The following NOP9 variants were observed in gnomAD, a reference collection of about 807,000 sequenced individuals.
NOP9 encodes NOP9 nucleolar protein.
Under a neutral mutation model 63.0 loss-of-function variants are expected in NOP9, and 50 were observed. That is an observed-to-expected ratio of 0.79 (90% CI 0.63 to 1.00). The LOEUF is 1.00. NOP9 is among the 50% of genes least tolerant of loss of function. NOP9 has a pLI of 0.00. For synonymous variants in NOP9, 343 were observed against 332.8 expected (o/e 1.03, Z -0.33); for missense variants, 758 against 803.0 (o/e 0.94, Z 0.68).
upstream of NOP9, among the ~76,000 whole-genome samples, chr14:24,298,450 A>T (rs2041300120): frequency 6.6e-6 from 1 of 152,236 alleles, no homozygotes; most frequent in Non-Finnish European, 1.5e-5. Context: ...TCAAATATTT[A>T]TTTAACTGAA....
chr14:24,272,946 A>T, the NOP9 span, among the ~76,000 whole-genome samples: 1 of 152,204 alleles, frequency 6.6e-6, no homozygotes, highest in African/African-American at 2.4e-5. Flanking sequence ...AGTTCTCTAA[A>T]ATGCCCCAGT....
chr14:24,285,150 G>A, the NOP9 span, among the ~76,000 whole-genome samples: 2 of 152,144 alleles, frequency 1.3e-5, no homozygotes, highest in African/African-American at 4.8e-5. Flanking sequence ...ACAACCCTTG[G>A]GCAGTTGTTC....
intron 5 of NOP9, among the ~76,000 whole-genome samples, 156 bp from the exon 6 acceptor site, chr14:24,302,918 T>C (rs188737767): frequency 3.2e-4 from 49 of 152,350 alleles, no homozygotes; most frequent in African/African-American, 1.1e-3. Flanking sequence ...TGCCCCCTTA[T>C]CCTGGGCCTT....
At chr14:24,295,695 C>G (rs1251703894), upstream of NOP9, among the ~76,000 whole-genome samples, 1 of 152,226 alleles carries the variant, frequency 6.6e-6, no homozygotes, top group Non-Finnish European at 1.5e-5. Context: ...TAACGTGTCC[C>G]TTTCTTGCCT....
chr14:24,299,994 C>T lies in NOP9; in HGVS notation c.40C>T (p.Arg14Trp). ...GCGCTCTCCACACAAGGTGGGGCGC[C>T]GGTTCCCAGCTGGTGGCAAACGGGG... ...GPRSPHKVGR[R>W]FPAGGKRGRG... is the part of the protein sequence containing the mutation. The change falls in exon 1 of 10, where the codon CGG becomes TGG. Residue 14 changes from arginine (R) to tryptophan (W), a missense_variant. Physicochemically the swap from Arg to Trp is moderately radical, Grantham distance 101. Transcript: ENST00000267425. 3 of 1,595,726 alleles carry T rather than the reference C, an allele frequency of 1.9e-6. No individual in the cohort carries two copies. The highest frequency in any genetic ancestry group is 2.6e-6 in the Non-Finnish European group (3 of 1,170,594).
chr14:24,305,949 GAGTACTTTCTTTGGGCCA>G lies in NOP9; in HGVS notation c.*858_*875del. On this transcript the variant is annotated 3_prime_UTR_variant, in exon 10 of 10. Transcript: ENST00000267425. ...AGTATGACATGTTGATTTCTGACCT[GAGTACTTTCTTTGGGCCA>G]AGTCCTTGAAAGTCACAACTCATAG... 6.2e-7 allele frequency: 1 copy of G among 1,613,164 alleles called. No homozygotes were observed. The highest frequency in any genetic ancestry group is 8.5e-7 in the Non-Finnish European group (1 of 1,179,392).
chr14:24,299,008 T>G (rs892161579), upstream of NOP9: 4 of 1,614,028 alleles, frequency 2.5e-6, no homozygotes, highest in Non-Finnish European at 3.4e-6. Context: ...TGATGTAAAC[T>G]GTGGCGCCTG....
chr14:24,285,374 T>C, the NOP9 span, among the ~76,000 whole-genome samples: 1 of 152,150 alleles, frequency 6.6e-6, no homozygotes, highest in African/African-American at 2.4e-5. Context: ...TGGGAGCAGA[T>C]GCATTAGGAC....
chr14:24,284,817 G>A, the NOP9 span, among the ~76,000 whole-genome samples: 77,531 of 151,904 alleles, frequency 0.51, 21,449 homozygotes, highest in Middle Eastern at 0.71. Context: ...GGGCCCAGCC[G>A]CCTGCCTGGG....
intron 7 of NOP9, 62 bp from the exon 8 acceptor site, chr14:24,303,979 G>A: frequency 1.3e-6 from 2 of 1,580,944 alleles, no homozygotes; most frequent in South Asian, 1.1e-5. Flanking sequence ...GCAGTGTTCT[G>A]GGGATGGGCT....
At chr14:24,302,138 T>C in intron 4 of NOP9, 32 bp downstream of exon 4, 1 of 1,606,066 alleles carries the variant, frequency 6.2e-7, no homozygotes, top group South Asian at 1.1e-5. Context: ...CGACCCAAGT[T>C]GGCGGGGCTG....
chr14:24,307,441 C>T lies in NOP9; in HGVS notation c.*2346C>T, dbSNP rs372963517. The T allele has an allele frequency of 4.0e-5, 65 of 1,613,946 alleles. No individual in the cohort carries two copies. The highest frequency in any genetic ancestry group is 4.6e-5 in the Non-Finnish European group (54 of 1,180,010). On this transcript the variant is annotated 3_prime_UTR_variant, in exon 10 of 10. Transcript: ENST00000267425. ...GATGGTCCGCTTGTGATCACAGACA[C>T]GGAAAGGTCGCTGGGGTGGTGGAGC...
chr14:24,307,443 G>A lies in NOP9; in HGVS notation c.*2348G>A. The A allele has an allele frequency of 2.5e-6, 4 of 1,614,150 alleles. No individual in the cohort carries two copies. Among genetic ancestry groups the A allele is most frequent in the Non-Finnish European group, 3.4e-6 (4 of 1,180,008 alleles). ...TGGTCCGCTTGTGATCACAGACACG[G>A]AAAGGTCGCTGGGGTGGTGGAGCTG... On this transcript the variant is annotated 3_prime_UTR_variant, in exon 10 of 10. Coordinates refer to ENST00000267425, the MANE Select transcript of NOP9 (RefSeq NM_174913.3).
At chr14:24,290,983 T>C in the NOP9 span, 1 of 1,614,110 alleles carries the variant, frequency 6.2e-7, no homozygotes, top group Non-Finnish European at 8.5e-7. Flanking sequence ...CAAATAGTCT[T>C]GGACGGGGCG....
At position 24,305,047 on chromosome 14, in the gene NOP9, T is replaced by C; in HGVS notation, c.1863T>C (p.Gly621=). 6.3e-7 allele frequency: 1 copy of C among 1,599,122 alleles called. No homozygotes were observed. Residue 621 remains glycine, a synonymous_variant, in exon 10 of 10, where the codon GGT becomes GGC. Coordinates refer to ENST00000267425, the MANE Select transcript of NOP9 (RefSeq NM_174913.3). ...KRREAWEQQQ[G]AVAKRRRALN... ...GAGAGGCTTGGGAACAGCAGCAGGGTGCGGTGGCCAAGCGGAGGCGGGCAT... is the reference window on the plus strand; with the variant it reads ...GAGAGGCTTGGGAACAGCAGCAGGGCGCGGTGGCCAAGCGGAGGCGGGCAT...
chr14:24,304,923 T>C lies in NOP9; in HGVS notation c.1754-15T>C, dbSNP rs374670425. ...TGAGCATGGTAGTACTAAACATGAGTGGTTCCCTTTGCAGGGGAGCAGAAC... is the reference window on the plus strand; with the variant it reads ...TGAGCATGGTAGTACTAAACATGAGCGGTTCCCTTTGCAGGGGAGCAGAAC... On this transcript the variant is annotated splice_polypyrimidine_tract_variant and intron_variant, in intron 9 of 9. Transcript: ENST00000267425. The C allele has an allele frequency of 1.3e-6, 2 of 1,512,436 alleles. No homozygotes were observed. The highest frequency in any genetic ancestry group is 2.3e-5 in the Admixed American group (1 of 43,040). The allele number at this position is 1,512,436 out of a possible 1,614,324, so 93.7% of individuals were successfully genotyped here. A position where few individuals can be genotyped will look rare whatever the true frequency, so the allele number is the denominator to read the frequency against.
rs746706188 is a variant in NOP9, at chr14:24,305,005, T to C, written c.1821T>C (p.Thr607=). ...GHHVARNVAL[T]TFLKRREAWE... is the part of the protein sequence containing the mutation. ...ATGTGGCTCGAAATGTGGCCTTGAC[T>C]ACCTTCCTAAAGCGGCGAGAGGCTT... is the stretch of plus-strand genomic sequence containing the variant. Residue 607 remains threonine (T), a synonymous_variant, in exon 10 of 10, where the codon ACT becomes ACC. Coordinates refer to ENST00000267425, the MANE Select transcript of NOP9 (RefSeq NM_174913.3). 2 of 1,605,282 alleles carry C rather than the reference T, an allele frequency of 1.2e-6. No homozygotes were observed. Among genetic ancestry groups the C allele is most frequent in the South Asian group, 1.1e-5 (1 of 89,844 alleles).
chr14:24,302,904 A>G (rs973484649), intron 5 of NOP9, among the ~76,000 whole-genome samples, 170 bp from the exon 6 acceptor site: 2 of 152,226 alleles, frequency 1.3e-5, no homozygotes, highest in African/African-American at 4.8e-5. Context: ...GGCACCTCTA[A>G]GACTGCCCCC....
the NOP9 span, chr14:24,291,876 A>G: frequency 1.6e-6 from 1 of 607,052 alleles, no homozygotes; most frequent in Non-Finnish European, 2.9e-6. Flanking sequence ...AGTGCCAAAT[A>G]GTGTTTGGAC....
Sources: gnomAD v4.1 joint callset for allele counts (sites outside exome capture counted in the v4.1 genomes callset) on GRCh38, gnomAD v4.1.1 for gene constraint, MANE v1.5 for transcripts, NCBI Gene and HGNC (gene_info 2026-07-23, HGNC 2026-07-21) for gene names.